The following NBDY variants were observed in gnomAD, a reference collection of about 807,000 sequenced individuals.
The protein encoded by NBDY is P-body dissociating protein.
chrX:56,781,088 T>C (rs2069685100), intron 2 of NBDY, among the ~76,000 whole-genome samples: 1 of 111,656 alleles, frequency 9.0e-6, no homozygotes, highest in Non-Finnish European at 1.9e-5. Context: ...GCAGGAACTT[T>C]GGTGTTGTTA....
At chrX:56,792,481 A>G (rs1304286945) in intron 2 of NBDY, among the ~76,000 whole-genome samples, 1 of 111,445 alleles carries the variant, frequency 9.0e-6, no homozygotes, top group African/African-American at 3.3e-5. Context: ...GACCACAGAC[A>G]CAATGCACTT....
intron 2 of NBDY, among the ~76,000 whole-genome samples, chrX:56,805,783 A>G (rs2069845737): frequency 9.0e-6 from 1 of 110,733 alleles, no homozygotes; most frequent in Non-Finnish European, 1.9e-5. Flanking sequence ...CTCATTGCTC[A>G]CTCTAATTCT....
chrX:56,791,795 C>CT (rs974859574), intron 2 of NBDY, among the ~76,000 whole-genome samples: 5 of 108,788 alleles, frequency 4.6e-5, no homozygotes, highest in African/African-American at 1.0e-4. Flanking sequence ...TTTAATTTTC[C>CT]TTTTTTTATC....
Position 56,740,129 on chromosome X carries a change from G to T in NBDY, c.*166+7930G>T, listed in dbSNP as rs768966954. On this transcript the variant is annotated intron_variant, in intron 2 of 2. Transcript: ENST00000374922. ...TTGGCTCCCCTGTCTTTTGACATGT[G>T]TCATCATTCTTAAACACACTTTTTA... 8.1e-5 allele frequency among the ~76,000 whole-genome samples: 9 copies of T among 111,561 alleles called. No homozygotes were observed. The South Asian group carries it at 1.5e-3, about 18-fold the overall frequency.
At chrX:56,787,381 C>T (rs761917971) in intron 2 of NBDY, among the ~76,000 whole-genome samples, 2 of 111,298 alleles carry the variant, frequency 1.8e-5, no homozygotes, top group South Asian at 7.6e-4. Context: ...CATTGTTGTA[C>T]ACAGACACAC....
intron 2 of NBDY, among the ~76,000 whole-genome samples, chrX:56,782,115 T>C (rs1333875708): frequency 9.0e-6 from 1 of 111,568 alleles, no homozygotes; most frequent in Non-Finnish European, 1.9e-5. Flanking sequence ...CTGGGGCTCC[T>C]TGTCACTCAT....
chrX:56,781,373 T>C (rs2146727478), intron 2 of NBDY, among the ~76,000 whole-genome samples: 1 of 111,659 alleles, frequency 9.0e-6, no homozygotes, highest in East Asian at 2.8e-4. Context: ...GTGTGCGGGA[T>C]GGGGTTGAGG....
intron 2 of NBDY, among the ~76,000 whole-genome samples, chrX:56,757,591 A>T (rs760066797): frequency 9.0e-6 from 1 of 111,480 alleles, no homozygotes; most frequent in Non-Finnish European, 1.9e-5. Flanking sequence ...ACTTGACCAC[A>T]TTGGGGAAAC....
chrX:56,797,903 A>G (rs1402931933), intron 2 of NBDY, among the ~76,000 whole-genome samples: 3 of 112,230 alleles, frequency 2.7e-5, no homozygotes, highest in Non-Finnish European at 5.6e-5. Flanking sequence ...AGATGCAGAC[A>G]CAAACACACA....
chrX:56,818,977 TCTACA>T lies in NBDY; in HGVS notation c.*1825_*1829del, dbSNP rs1237574598. 1.3e-5 allele frequency: 1 copy of T among 79,434 alleles called. No homozygotes were observed. Among genetic ancestry groups the T allele is most frequent in the Non-Finnish European group, 2.4e-5 (1 of 41,231 alleles). 6.5% of individuals were successfully genotyped at this position (79,434 alleles called of 1,213,427 possible). A position where few individuals can be genotyped will look rare whatever the true frequency, so the allele number is the denominator to read the frequency against. ...TAAATGGTACTGGGACAACTTGGTA[TCTACA>T]TGCAAAAAAAAAACAAAAAAACAAA... is the stretch of plus-strand genomic sequence containing the variant. On this transcript the variant is annotated 3_prime_UTR_variant, in exon 3 of 3. Coordinates refer to ENST00000374922, the MANE Select transcript of NBDY (RefSeq NM_001348129.2).
chrX:56,757,227 A>C (rs1448366156), intron 2 of NBDY, among the ~76,000 whole-genome samples: 1 of 112,040 alleles, frequency 8.9e-6, no homozygotes, highest in Admixed American at 9.4e-5. Flanking sequence ...ATATTTCCTT[A>C]TATTAGATTT....
chrX:56,789,486 T>A (rs1238079575), intron 2 of NBDY, among the ~76,000 whole-genome samples: 2 of 112,266 alleles, frequency 1.8e-5, no homozygotes, highest in Admixed American at 1.9e-4. Flanking sequence ...GGCCTCATGA[T>A]GGCATGCACC....
intron 1 of NBDY, among the ~76,000 whole-genome samples, chrX:56,731,175 TAC>T (rs2069455941): frequency 9.0e-6 from 1 of 110,802 alleles, no homozygotes; most frequent in East Asian, 2.8e-4. Context: ...TGTCATTCCA[TAC>T]AGTTTTACTT....
intron 2 of NBDY, among the ~76,000 whole-genome samples, chrX:56,759,026 G>A (rs1218839234): frequency 3.6e-5 from 4 of 111,894 alleles, no homozygotes; most frequent in Non-Finnish European, 7.5e-5. Flanking sequence ...AGAGCAGCAT[G>A]GAACACAATG....
intron 2 of NBDY, among the ~76,000 whole-genome samples, chrX:56,735,208 T>C (rs1374748939): frequency 8.9e-6 from 1 of 112,402 alleles, no homozygotes; most frequent in Non-Finnish European, 1.9e-5. Context: ...GTGAGCCAAA[T>C]ACTAGATCTA....
intron 2 of NBDY, among the ~76,000 whole-genome samples, chrX:56,742,228 T>C (rs771605066): frequency 4.5e-4 from 50 of 111,842 alleles, no homozygotes; most frequent in Non-Finnish European, 8.5e-4. Context: ...TTTTGATTAC[T>C]GTAGTTCTGT....
chrX:56,764,702 C>CAAAAAAAAAAAAA (rs10623590), intron 2 of NBDY, among the ~76,000 whole-genome samples: 2 of 60,796 alleles, frequency 3.3e-5, no homozygotes, highest in Admixed American at 2.2e-4. Context: ...AAACAAACAC[C>CAAAAAAAAAAAAA]AAAAAAAAAA....
chrX:56,753,661 G>T (rs142758742), intron 2 of NBDY, among the ~76,000 whole-genome samples: 1 of 111,743 alleles, frequency 8.9e-6, no homozygotes, highest in Non-Finnish European at 1.9e-5. Flanking sequence ...AGTAAAAAAG[G>T]TAAGCAGAAA....
chrX:56,745,877 G>A (rs943469528), intron 2 of NBDY, among the ~76,000 whole-genome samples: 3 of 111,196 alleles, frequency 2.7e-5, no homozygotes, highest in African/African-American at 9.8e-5. Flanking sequence ...CTACATGGGC[G>A]ATGTTCTGTC....
Sources: gnomAD v4.1 joint callset for allele counts (sites outside exome capture counted in the v4.1 genomes callset) on GRCh38, gnomAD v4.1.1 for gene constraint, MANE v1.5 for transcripts, NCBI Gene and HGNC (gene_info 2026-07-23, HGNC 2026-07-21) for gene names.